The following ACVRL1 variants were observed in gnomAD, a reference collection of about 807,000 sequenced individuals.
ACVRL1 encodes activin A receptor like type 1.
ACVRL1 carries 20 observed loss-of-function variants against 51.9 expected under a neutral mutation model. The observed-to-expected ratio is 0.39, with a 90% CI of 0.27 to 0.56. The LOEUF is 0.56. ACVRL1 is among the 20% of genes least tolerant of loss of function. ACVRL1 has a pLI of 0.67. For synonymous variants in ACVRL1, 288 were observed against 280.9 expected (o/e 1.03, Z -0.25); for missense variants, 451 against 670.3 (o/e 0.67, Z 3.61).
chr12:51,918,045 G>A (rs1424133450), intron 8 of ACVRL1, among the ~76,000 whole-genome samples: 3 of 152,216 alleles, frequency 2.0e-5, no homozygotes, highest in East Asian at 1.9e-4. Context: ...AGGCTCTATC[G>A]AGGTTGCGGC....
chr12:51,909,392 G>T lies in ACVRL1; in HGVS notation c.-6+1697G>T, dbSNP rs1940649850. On this transcript the variant is annotated intron_variant, in intron 1 of 9. Transcript: ENST00000388922. ...CCTGTAGTCCCTTGGGACTTGGGAG[G>T]CTGAGGTGGGAGGATCACTTGAGCC... 2.0e-5 allele frequency among the ~76,000 whole-genome samples: 3 copies of T among 152,082 alleles called. No homozygotes were observed. In the South Asian group the frequency reaches 6.2e-4, roughly 32 times the overall value.
chr12:51,912,424 T>C, intron 1 of ACVRL1, 46 bp from the exon 2 acceptor site: 12 of 1,604,620 alleles, frequency 7.5e-6, no homozygotes, highest in Non-Finnish European at 1.0e-5. Flanking sequence ...CCAGCGGCTG[T>C]CACACTTCAT....
rs761743821 is a variant in ACVRL1 at position 51,917,885 on chromosome 12, G to A, written c.1247-1100G>A. Among the ~76,000 whole-genome samples, 1 of 152,168 alleles carries A rather than the reference G, an allele frequency of 6.6e-6. No homozygotes were observed. The highest frequency in any genetic ancestry group is 1.9e-4 in the East Asian group (1 of 5,182). Reference sequence around the variant, plus strand: ...AGCTCCATCAGCCCCACACGGACTCGCGGCGCATTATAAACACTGTAATCT... The same window carrying A: ...AGCTCCATCAGCCCCACACGGACTCACGGCGCATTATAAACACTGTAATCT... On this transcript the variant is annotated intron_variant, in intron 8 of 9. Coordinates refer to ENST00000388922, the MANE Select transcript of ACVRL1 (RefSeq NM_000020.3). This position sits in a 1 kb window ranked among gnomAD's most constrained non-coding sequence, Gnocchi z 4.2.
intron 2 of ACVRL1, among the ~76,000 whole-genome samples, 173 bp from the exon 3 acceptor site, chr12:51,912,926 C>T (rs549816381): frequency 6.6e-6 from 1 of 152,152 alleles, no homozygotes; most frequent in East Asian, 1.9e-4. Flanking sequence ...GTGTCAGCTG[C>T]TCTGAGGGGA....
chr12:51,921,414 C>G lies in ACVRL1; in HGVS notation c.*521C>G, dbSNP rs1940978172. ...TTCTCTCTGTGGATTTGTATCTCAG[C>G]TCCATGATGCCTTGGGCTTTCTGTC... On this transcript the variant is annotated 3_prime_UTR_variant, in exon 10 of 10. Transcript: ENST00000388922. The G allele has an allele frequency of 5.1e-6, 1 of 197,226 alleles. No individual in the cohort carries two copies. The highest frequency in any genetic ancestry group is 1.1e-5 in the Non-Finnish European group (1 of 94,586). 12.2% of individuals were successfully genotyped at this position (197,226 alleles called of 1,614,324 possible).
intron 1 of ACVRL1, among the ~76,000 whole-genome samples, chr12:51,908,635 G>C (rs1227603628): frequency 6.6e-6 from 1 of 152,164 alleles, no homozygotes; most frequent in Non-Finnish European, 1.5e-5. Flanking sequence ...TTGGATGGTG[G>C]GGTGAATGGC....
At chr12:51,916,299 C>T in intron 8 of ACVRL1, 66 bp downstream of exon 8, 2 of 1,553,804 alleles carry the variant, frequency 1.3e-6, no homozygotes. Context: ...GGCTTCCAGC[C>T]ATGGCCAGTG....
chr12:51,915,966 C>T, intron 7 of ACVRL1, 70 bp from the exon 8 acceptor site: 1 of 1,541,970 alleles, frequency 6.5e-7, no homozygotes, highest in African/African-American at 1.4e-5. Context: ...TTCTCTCAGT[C>T]CCCACCTTGC....
chr12:51,915,751 C>T (rs1940821646), intron 7 of ACVRL1: 1 of 658,836 alleles, frequency 1.5e-6, no homozygotes, highest in Non-Finnish European at 2.5e-6. Context: ...GGGTTCTCAT[C>T]CTGGTTTCGC....
In ACVRL1 at chr12:51,920,986, T is replaced by A; in HGVS notation, c.*93T>A. Reference sequence around the variant, plus strand: ...TATCTGGGTAGAGGTAGTGTGAGTGTGGTGTGTGCTGGGGATGGGCAGCTG... The same window carrying A: ...TATCTGGGTAGAGGTAGTGTGAGTGAGGTGTGTGCTGGGGATGGGCAGCTG... On this transcript the variant is annotated 3_prime_UTR_variant, in exon 10 of 10. Coordinates refer to ENST00000388922, the MANE Select transcript of ACVRL1 (RefSeq NM_000020.3). The A allele has an allele frequency of 1.4e-6, 2 of 1,419,360 alleles. No individual in the cohort carries two copies. Among genetic ancestry groups the A allele is most frequent in the Non-Finnish European group, 1.9e-6 (2 of 1,039,948 alleles). 87.9% of individuals were successfully genotyped at this position (1,419,360 alleles called of 1,614,324 possible). A position where few individuals can be genotyped will look rare whatever the true frequency, so the allele number is the denominator to read the frequency against.
intron 6 of ACVRL1, among the ~76,000 whole-genome samples, 165 bp downstream of exon 6, chr12:51,914,750 A>AATTTT (rs1433635204): frequency 1.3e-5 from 2 of 148,954 alleles, no homozygotes; most frequent in African/African-American, 5.1e-5. Flanking sequence ...AATTTAATTT[A>AATTTT]ATTTAATTTA....
rs1457204953 is a variant in ACVRL1, at chr12:51,922,011, T to A, written c.*1118T>A. On this transcript the variant is annotated 3_prime_UTR_variant, in exon 10 of 10. Transcript: ENST00000388922. Reference sequence around the variant, plus strand: ...CCTCCCAAAGTGCTGGGGTTACAGGTGTGAGCCATCGCGCCTGGCCAGGAC... The same window carrying A: ...CCTCCCAAAGTGCTGGGGTTACAGGAGTGAGCCATCGCGCCTGGCCAGGAC... 1 of 152,202 alleles carries A rather than the reference T, an allele frequency of 6.6e-6. No homozygotes were observed. The highest frequency in any genetic ancestry group is 1.5e-5 in the Non-Finnish European group (1 of 68,050). The allele number at this position is 152,202 out of a possible 1,614,324, so 9.4% of individuals were successfully genotyped here. A position where few individuals can be genotyped will look rare whatever the true frequency, so the allele number is the denominator to read the frequency against.
Position 51,921,381 on chromosome 12 carries a change from C to T in ACVRL1, c.*488C>T, listed in dbSNP as rs1940977354. 4.7e-6 allele frequency: 1 copy of T among 211,968 alleles called. No homozygotes were observed. The highest frequency in any genetic ancestry group is 2.3e-5 in the African/African-American group (1 of 43,986). 13.1% of individuals were successfully genotyped at this position (211,968 alleles called of 1,614,324 possible). A position where few individuals can be genotyped will look rare whatever the true frequency, so the allele number is the denominator to read the frequency against. ...AGCATAAGCTCCAGAGAGCCAGGGC[C>T]CATCAGTTTCTCTCTGTGGATTTGT... On this transcript the variant is annotated 3_prime_UTR_variant, in exon 10 of 10. Coordinates refer to ENST00000388922, the MANE Select transcript of ACVRL1 (RefSeq NM_000020.3).
chr12:51,920,558 C>T (rs928552208), intron 9 of ACVRL1, among the ~76,000 whole-genome samples: 2 of 152,184 alleles, frequency 1.3e-5, no homozygotes, highest in South Asian at 4.2e-4. Flanking sequence ...TGTCTTTCCT[C>T]TCGCTCTCCT....
chr12:51,919,375 G>GTT (rs1940916881), intron 9 of ACVRL1: 2 of 482,406 alleles, frequency 4.1e-6, no homozygotes, highest in African/African-American at 4.2e-5. Context: ...GTGTGTGTGT[G>GTT]TGTGTGTGTG....
At chr12:51,909,113 G>C (rs901325725) in intron 1 of ACVRL1, among the ~76,000 whole-genome samples, 46 of 152,210 alleles carry the variant, frequency 3.0e-4, no homozygotes, top group Admixed American at 2.4e-3. Flanking sequence ...GCCCTGTGAA[G>C]ATCACTGCTG....
chr12:51,915,328 G>A lies in ACVRL1; in HGVS notation c.876G>A (p.Gln292=). 6.2e-7 allele frequency: 1 copy of A among 1,614,194 alleles called. No individual in the cohort carries two copies. ...CCCTCTACGACTTTCTGCAGAGACA[G>A]ACGCTGGAGCCCCATCTGGCTCTGA... is the stretch of plus-strand genomic sequence containing the variant. ...HGSLYDFLQR[Q]TLEPHLALRL... The change falls in exon 7 of 10, where the codon CAG becomes CAA. Residue 292 remains glutamine, a synonymous_variant. Transcript: ENST00000388922.
intron 7 of ACVRL1, chr12:51,915,765 C>T (rs1289652618): frequency 1.2e-5 from 8 of 645,662 alleles, no homozygotes; most frequent in Admixed American, 6.0e-5. Flanking sequence ...GTTTCGCCAG[C>T]CTCCAGGTCT....
chr12:51,920,585 T>C (rs1940950031), intron 9 of ACVRL1, among the ~76,000 whole-genome samples, 174 bp from the exon 10 acceptor site: 1 of 151,614 alleles, frequency 6.6e-6, no homozygotes, highest in Non-Finnish European at 1.5e-5. Flanking sequence ...TGCTCTCATC[T>C]CCCTCCTCTC....
Sources: allele counts gnomAD v4.1 joint callset (sites outside exome capture counted in the v4.1 genomes callset), GRCh38; gene constraint gnomAD v4.1.1; non-coding constraint Gnocchi (gnomAD v3.1); transcripts MANE v1.5; gene names NCBI Gene and HGNC (gene_info 2026-07-23, HGNC 2026-07-21).